Variants in DPYD observed in about 807,000 individuals in gnomAD.
DPYD encodes dihydropyrimidine dehydrogenase, also known as dihydropyrimidine dehydrogenase [NADP(+)].
A neutral mutation model predicts 116.2 loss-of-function variants in DPYD; 109 were observed. The observed-to-expected ratio is 0.94, with a 90% confidence interval of 0.80 to 1.10. DPYD has a LOEUF of 1.10. Among genes scored for constraint, DPYD ranks in the 50% least tolerant of loss-of-function variants. The pLI is 0.00. For synonymous variants in DPYD, 440 were observed against 432.0 expected (o/e 1.02, Z -0.23); for missense variants, 1,302 against 1,254.5 (o/e 1.04, Z -0.57).
At chr1:97,634,278 T>G (rs766018861) in intron 8 of DPYD, among the ~76,000 whole-genome samples, 3 of 152,066 alleles carry the variant, frequency 2.0e-5, no homozygotes, top group Non-Finnish European at 4.4e-5. Flanking sequence ...AAGATTCTAA[T>G]GCTAAGAACA....
In DPYD at chr1:97,818,383, T is replaced by C. The variant is rs1482507662; in HGVS notation, c.233+9731A>G. 2.0e-5 allele frequency among the ~76,000 whole-genome samples: 3 copies of C among 152,154 alleles called. No homozygotes were observed. The East Asian group carries it at 5.8e-4, about 29-fold the overall frequency. ...GTGTTAGCCTATTAACTGATTTCAT[T>C]TTTTCTACTGTTTCACCAGATTTGT... On this transcript the variant is annotated intron_variant, in intron 3 of 22. Coordinates refer to ENST00000370192, the MANE Select transcript of DPYD (RefSeq NM_000110.4).
intron 19 of DPYD, among the ~76,000 whole-genome samples, chr1:97,216,956 C>T (rs534038464): frequency 3.3e-5 from 5 of 152,066 alleles, no homozygotes; most frequent in Admixed American, 2.6e-4. Flanking sequence ...GCCTGTAATC[C>T]CAGCACTTTG....
chr1:97,519,404 C>T (rs962917858), intron 12 of DPYD, among the ~76,000 whole-genome samples: 2 of 152,118 alleles, frequency 1.3e-5, no homozygotes, highest in Admixed American at 6.6e-5. Context: ...AAAGACCTGG[C>T]CCCATGATTC....
Position 97,082,451 on chromosome 1 carries a change from A to G in DPYD, c.2786T>C (p.Leu929Pro). ...TTCACCAAATGTTCCAAGGTACTGC[A>G]GTGCTTTTCCTATTACATCCTAAAA... The part of the protein sequence containing the change: ...PTIKDVIGKA[L>P]QYLGTFGELS... Residue 929 changes from leucine (L) to proline (P), a missense_variant, in exon 22 of 23, where the codon CTG becomes CCG. Leu to Pro is a moderately conservative substitution (Grantham distance 98). Coordinates refer to ENST00000370192, the MANE Select transcript of DPYD (RefSeq NM_000110.4). The G allele has an allele frequency of 8.7e-6, 14 of 1,613,560 alleles. No individual in the cohort carries two copies. Among genetic ancestry groups the G allele is most frequent in the Non-Finnish European group, 1.2e-5 (14 of 1,179,588 alleles).
intron 9 of DPYD, among the ~76,000 whole-genome samples, chr1:97,594,317 T>C (rs1473981850): frequency 1.3e-5 from 2 of 152,110 alleles, no homozygotes; most frequent in South Asian, 2.1e-4. Flanking sequence ...CATACAAACA[T>C]CCAGTTCTAC....
chr1:97,165,847 A>C (rs1381158408), intron 20 of DPYD, among the ~76,000 whole-genome samples: 1 of 152,212 alleles, frequency 6.6e-6, no homozygotes, highest in African/African-American at 2.4e-5. Flanking sequence ...TCATTAGATA[A>C]ATGCAAATCA....
In DPYD at chr1:97,532,911, G is replaced by GTT. The variant is rs535708189; in HGVS notation, c.1524+16647_1524+16648dup. Among the ~76,000 whole-genome samples the GTT allele has an allele frequency of 7.0e-4, 90 of 128,232 alleles. No homozygotes were observed. The East Asian group carries it at 9.6e-3, about 14-fold the overall frequency. 84.1% of individuals were successfully genotyped at this position (128,232 alleles called of 152,430 possible). A position where few individuals can be genotyped will look rare whatever the true frequency, so the allele number is the denominator to read the frequency against. On this transcript the variant is annotated intron_variant, in intron 12 of 22. Transcript: ENST00000370192. The stretch of plus-strand genomic sequence containing the variant: ...CCTTCTGCTAACTTTGGGCTTAGTT[G>GTT]TTTTTTTTTTTTGTTGTTGTTGTTG...
intron 4 of DPYD, among the ~76,000 whole-genome samples, chr1:97,739,637 T>C (rs1664151780): frequency 6.6e-6 from 1 of 152,246 alleles, no homozygotes; most frequent in Middle Eastern, 3.4e-3. Context: ...AGAAAATTAG[T>C]GTTAAACCTT....
intron 20 of DPYD, among the ~76,000 whole-genome samples, chr1:97,136,630 G>A (rs187473001): frequency 6.6e-6 from 1 of 152,162 alleles, no homozygotes; most frequent in East Asian, 1.9e-4. Flanking sequence ...ATGATATTTA[G>A]TGCTTCAGTA....
At chr1:97,545,881 C>T (rs772868929) in intron 12 of DPYD, 4 of 1,071,232 alleles carry the variant, frequency 3.7e-6, no homozygotes, top group Non-Finnish European at 5.8e-6. Context: ...GGTTTCTAAT[C>T]ATAAGAAGTA....
Position 97,450,149 on chromosome 1 carries a change from G to T in DPYD, c.1815C>A (p.Ser605Arg), listed in dbSNP as rs1236285753. 6.2e-7 allele frequency: 1 copy of T among 1,613,958 alleles called. No homozygotes were observed. The highest frequency in any genetic ancestry group is 1.7e-5 in the Admixed American group (1 of 59,966). ...TGATGAGCTCAATATTCAGAAAGGA[G>T]CTTTGTCCAGGGCCATACATGGGGC... Reference protein sequence around the residue: ...TSGPMYGPGQSSFLNIELISE... With the variant: ...TSGPMYGPGQRSFLNIELISE... The change falls in exon 14 of 23, where the codon AGC becomes AGA. Residue 605 changes from serine to arginine, a missense_variant. Coordinates refer to ENST00000370192, the MANE Select transcript of DPYD (RefSeq NM_000110.4).
intron 14 of DPYD, among the ~76,000 whole-genome samples, chr1:97,445,064 T>C (rs1477683139): frequency 1.3e-5 from 2 of 152,162 alleles, no homozygotes; most frequent in African/African-American, 4.8e-5. Flanking sequence ...GATCCTTTTT[T>C]CTTTTTCTCT....
chr1:97,124,806 G>A (rs957782680), intron 20 of DPYD, among the ~76,000 whole-genome samples: 22 of 152,076 alleles, frequency 1.4e-4, no homozygotes, highest in Admixed American at 1.2e-3. Flanking sequence ...GTGATTTTCT[G>A]GATTACCTTT....
chr1:97,203,247 TA>T (rs1659334905), intron 19 of DPYD, among the ~76,000 whole-genome samples: 1 of 152,044 alleles, frequency 6.6e-6, no homozygotes, highest in African/African-American at 2.4e-5. Context: ...CCTCTCATGA[TA>T]AAAGTGGGGT....
At chr1:97,765,332 AT>A (rs1184172421) in intron 3 of DPYD, among the ~76,000 whole-genome samples, 3 of 152,116 alleles carry the variant, frequency 2.0e-5, no homozygotes, top group Non-Finnish European at 4.4e-5. Flanking sequence ...TGTTTAATAT[AT>A]TTCTTTGGTC....
intron 12 of DPYD, among the ~76,000 whole-genome samples, chr1:97,525,546 C>A (rs1182847832): frequency 6.6e-6 from 1 of 152,054 alleles, no homozygotes; most frequent in Non-Finnish European, 1.5e-5. Flanking sequence ...GACTAGTGAC[C>A]TTGGGTACTT....
chr1:97,377,859 A>G (rs1391615926), intron 15 of DPYD, among the ~76,000 whole-genome samples: 2 of 152,204 alleles, frequency 1.3e-5, no homozygotes, highest in Admixed American at 1.3e-4. Context: ...GGATGTCTAC[A>G]TGGCCAGTGG....
intron 20 of DPYD, among the ~76,000 whole-genome samples, chr1:97,134,048 T>A (rs1226104603): frequency 0.01 from 722 of 69,578 alleles, 106 homozygotes; most frequent in African/African-American, 0.038. Context: ...TATATATATA[T>A]ATATATATAT....
At chr1:97,206,644 A>ATATGTGTG (rs1477222538) in intron 19 of DPYD, among the ~76,000 whole-genome samples, 1 of 31,766 alleles carries the variant, frequency 3.1e-5, no homozygotes, top group African/African-American at 3.4e-4. Context: ...GATTTTATAT[A>ATATGTGTG]TATATATATA....
Sources: allele counts gnomAD v4.1 joint callset (sites outside exome capture counted in the v4.1 genomes callset), GRCh38; gene constraint gnomAD v4.1.1; transcripts MANE v1.5; gene names NCBI Gene and HGNC (gene_info 2026-07-23, HGNC 2026-07-21).